USP8: variants seen among roughly 807,000 people sequenced by gnomAD.
USP8 encodes ubiquitin carboxyl-terminal hydrolase 8.
A neutral mutation model predicts 130.0 loss-of-function variants in USP8; 27 were observed. The observed-to-expected ratio is 0.21, with a 90% CI of 0.15 to 0.29. The LOEUF is 0.29. Ranked by LOEUF, USP8 falls within the 10% of genes least tolerant of loss-of-function variation. The pLI is 1.00. For synonymous variants in USP8, 392 were observed against 444.1 expected (o/e 0.88, Z 1.48); for missense variants, 1,029 against 1,312.2 (o/e 0.78, Z 3.33).
rs778224166 is a variant in USP8, at chr15:50,476,923, T to C, written c.924T>C (p.Tyr308=). 1.9e-6 allele frequency: 3 copies of C among 1,607,414 alleles called. No homozygotes were observed. Among genetic ancestry groups the C allele is most frequent in the Non-Finnish European group, 2.5e-6 (3 of 1,179,056 alleles). ...EGGYENWLLC[Y]PQYTTNAKVT... Reference sequence around the variant, plus strand: ...GCTATGAAAACTGGCTCCTTTGTTATCCCCAGTATACAACAAATGCTAAGG... The same window carrying C: ...GCTATGAAAACTGGCTCCTTTGTTACCCCCAGTATACAACAAATGCTAAGG... Residue 308 remains tyrosine, a synonymous_variant, in exon 9 of 20, where the codon TAT becomes TAC. Coordinates refer to ENST00000307179, the MANE Select transcript of USP8 (RefSeq NM_005154.5).
At chr15:50,457,613 A>G (rs1326571653) in intron 4 of USP8, among the ~76,000 whole-genome samples, 1 of 150,478 alleles carries the variant, frequency 6.6e-6, no homozygotes, top group Non-Finnish European at 1.5e-5. Flanking sequence ...CTATAATCCC[A>G]GCACTTTGGA....
rs112249459 is a variant in USP8, at chr15:50,487,362, A to AAG, written c.1891-2419_1891-2418dup. On this transcript the variant is annotated intron_variant, in intron 12 of 19. Transcript: ENST00000307179. ...AATGAGTTAACAATAAGAGAAAATG[A>AAG]AGAGAGAGAGAGAGAGAGAGACACA... Among the ~76,000 whole-genome samples the AAG allele has an allele frequency of 1.4e-3, 216 of 150,184 alleles. 2 individuals are homozygous for AAG. The highest frequency in any genetic ancestry group is 3.5e-3 in the African/African-American group (142 of 40,962).
chr15:50,442,728 G>A (rs1468863007), intron 3 of USP8, among the ~76,000 whole-genome samples: 5 of 152,150 alleles, frequency 3.3e-5, no homozygotes, highest in African/African-American at 1.2e-4. Context: ...TCCAGCCCAG[G>A]TGGGCGATAG....
intron 1 of USP8, among the ~76,000 whole-genome samples, chr15:50,433,017 G>A (rs1466639278): frequency 6.6e-6 from 1 of 152,144 alleles, no homozygotes; most frequent in Non-Finnish European, 1.5e-5. Context: ...CGAGGCGGGC[G>A]GATCACCTGA....
At position 50,495,907 on chromosome 15, in the gene USP8, T is replaced by C. The variant is rs767249066; in HGVS notation, c.2718T>C (p.Ala906=). 6.2e-7 allele frequency: 1 copy of C among 1,613,900 alleles called. No homozygotes were observed. Among genetic ancestry groups the C allele is most frequent in the Non-Finnish European group, 8.5e-7 (1 of 1,180,010 alleles). Residue 906 remains alanine (A), a synonymous_variant, in exon 17 of 20, where the codon GCT becomes GCC. Coordinates refer to ENST00000307179, the MANE Select transcript of USP8 (RefSeq NM_005154.5). ...ENNDHLDDFK[A]AEHAWQKHKQ... Reference sequence around the variant, plus strand: ...ATGATCATCTCGATGACTTTAAAGCTGCAGAACATGCCTGGCAGAAACACA... The same window carrying C: ...ATGATCATCTCGATGACTTTAAAGCCGCAGAACATGCCTGGCAGAAACACA...
At chr15:50,478,334 T>G (rs2051642477) in intron 10 of USP8, among the ~76,000 whole-genome samples, 1 of 152,258 alleles carries the variant, frequency 6.6e-6, no homozygotes, top group Admixed American at 6.5e-5. Context: ...TTCATTTGGC[T>G]TTATTTAAAG....
rs1259237548 is a variant in USP8, at chr15:50,501,870, T to C, written c.*2782T>C. ...GGAAAAGATCCAAGTAATAATAGTA[T>C]TGTTATATGTGAAAATTTTATGAAA... On this transcript the variant is annotated 3_prime_UTR_variant, in exon 20 of 20. Coordinates refer to ENST00000307179, the MANE Select transcript of USP8 (RefSeq NM_005154.5). 1 of 152,186 alleles carries C rather than the reference T, an allele frequency of 6.6e-6. No homozygotes were observed. Among genetic ancestry groups the C allele is most frequent in the Non-Finnish European group, 1.5e-5 (1 of 68,032 alleles). The allele number at this position is 152,186 out of a possible 1,614,324, so 9.4% of individuals were successfully genotyped here.
intron 17 of USP8, 90 bp downstream of exon 17, chr15:50,496,174 T>TACAA (rs985155075): frequency 9.1e-7 from 1 of 1,104,224 alleles, no homozygotes; most frequent in African/African-American, 1.6e-5. Context: ...TCTTTACCCT[T>TACAA]ACAAACATTT....
intron 3 of USP8, 58 bp downstream of exon 3, chr15:50,441,551 A>C: frequency 7.0e-7 from 1 of 1,430,322 alleles, no homozygotes; most frequent in Non-Finnish European, 9.3e-7. Context: ...GGAGCTATTG[A>C]TTTTTTTCTA....
At position 50,484,437 on chromosome 15, in the gene USP8, A is replaced by G; in HGVS notation, c.1890+76A>G. ...TATAACTATGTGATTATCTTACCACACTGCTATCTTTTATCATGAGATCTA... is the reference window on the plus strand; with the variant it reads ...TATAACTATGTGATTATCTTACCACGCTGCTATCTTTTATCATGAGATCTA... On this transcript the variant is annotated intron_variant, in intron 12 of 19. Coordinates refer to ENST00000307179, the MANE Select transcript of USP8 (RefSeq NM_005154.5). 4 of 1,163,588 alleles carry G rather than the reference A, an allele frequency of 3.4e-6. No homozygotes were observed. The South Asian group carries it at 4.0e-5, about 12-fold the overall frequency. 72.1% of individuals were successfully genotyped at this position (1,163,588 alleles called of 1,614,324 possible).
At chr15:50,459,996 C>CTT (rs1555386693) in intron 5 of USP8, among the ~76,000 whole-genome samples, 2,624 of 92,060 alleles carry the variant, frequency 0.029, 106 homozygotes, top group Non-Finnish European at 0.032. Context: ...CACCCCCCCC[C>CTT]TTTTTTTTTT....
intron 1 of USP8, among the ~76,000 whole-genome samples, chr15:50,431,044 G>A (rs2049914148): frequency 6.6e-6 from 1 of 152,178 alleles, no homozygotes; most frequent in Non-Finnish European, 1.5e-5. Flanking sequence ...GGTCCAAAAT[G>A]TGAGTGATGG....
At chr15:50,439,766 G>A (rs1420241042) in intron 2 of USP8, among the ~76,000 whole-genome samples, 4 of 146,822 alleles carry the variant, frequency 2.7e-5, no homozygotes, top group African/African-American at 7.5e-5. Context: ...CTGCAGCTTG[G>A]GCAATAAGAG....
In USP8 at chr15:50,457,740, A is replaced by G. The variant is rs1004504093; in HGVS notation, c.336-1260A>G. Among the ~76,000 whole-genome samples the G allele has an allele frequency of 9.2e-5, 14 of 151,674 alleles. No homozygotes were observed. In the East Asian group the frequency reaches 1.2e-3, roughly 13 times the overall value. On this transcript the variant is annotated intron_variant, in intron 4 of 19. Transcript: ENST00000307179. ...GCCAGGCATGGTGGTGTGTGCCTCTAGTCCCAGCTACTCAGGAGGCTGAGT... is the reference window on the plus strand; with the variant it reads ...GCCAGGCATGGTGGTGTGTGCCTCTGGTCCCAGCTACTCAGGAGGCTGAGT...
chr15:50,438,183 C>T (rs949183967), intron 1 of USP8, among the ~76,000 whole-genome samples: 3 of 152,196 alleles, frequency 2.0e-5, no homozygotes, highest in Non-Finnish European at 4.4e-5. Flanking sequence ...GCAGCCTTCC[C>T]ATCCCCTGCT....
At chr15:50,428,741 C>T (rs1298044599) in intron 1 of USP8, among the ~76,000 whole-genome samples, 4 of 152,166 alleles carry the variant, frequency 2.6e-5, no homozygotes, top group African/African-American at 9.7e-5. Context: ...GATAAAAGAT[C>T]TTACCATAGA....
Position 50,500,854 on chromosome 15 carries a change from T to G in USP8, c.*1766T>G. ...AAAATGGTTCTATGGGAGAAAGGAATGTCAAACTTAGTATTCACATATGAA... is the reference window on the plus strand; with the variant it reads ...AAAATGGTTCTATGGGAGAAAGGAAGGTCAAACTTAGTATTCACATATGAA... On this transcript the variant is annotated 3_prime_UTR_variant, in exon 20 of 20. Transcript: ENST00000307179. The G allele has an allele frequency of 6.4e-7, 1 of 1,565,658 alleles. No individual in the cohort carries two copies. Among genetic ancestry groups the G allele is most frequent in the Non-Finnish European group, 8.7e-7 (1 of 1,153,452 alleles).
At chr15:50,468,935 CT>C (rs1167665102) in intron 7 of USP8, among the ~76,000 whole-genome samples, 2 of 152,116 alleles carry the variant, frequency 1.3e-5, no homozygotes, top group African/African-American at 4.8e-5. Context: ...GATATACCCC[CT>C]GTAAGTTACT....
chr15:50,468,474 C>G (rs889916439), intron 7 of USP8, among the ~76,000 whole-genome samples: 3 of 151,882 alleles, frequency 2.0e-5, no homozygotes, highest in Non-Finnish European at 4.4e-5. Context: ...AACTCCTGGC[C>G]TCAAGTGATC....
Sources: gnomAD v4.1 joint callset for allele counts (sites outside exome capture counted in the v4.1 genomes callset) on GRCh38, gnomAD v4.1.1 for gene constraint, MANE v1.5 for transcripts, NCBI Gene and HGNC (gene_info 2026-07-23, HGNC 2026-07-21) for gene names.